Variants in HDAC6 observed in about 807,000 individuals in gnomAD.
HDAC6 encodes protein deacetylase HDAC6.
Under a neutral mutation model 88.9 loss-of-function variants are expected in HDAC6, and 5 were observed. The observed-to-expected ratio is 0.06, with a 90% CI of 0.03 to 0.12. The LOEUF (loss-of-function observed/expected upper bound fraction) is 0.12. Ranked by LOEUF, HDAC6 falls within the 10% of genes least tolerant of loss-of-function variation. The probability of loss-of-function intolerance (pLI) is 1.00; values close to 1 mark genes in which losing one functional copy is unlikely to be tolerated. For synonymous variants in HDAC6, 378 were observed against 398.0 expected, an observed-to-expected ratio of 0.95 and a Z score of 0.60; for missense variants, 706 against 1,014.4, an observed-to-expected ratio of 0.70 and a Z score of 4.13.
chrX:48,806,577 A>T, intron 7 of HDAC6, 32 bp from the exon 8 acceptor site: 1 of 1,116,377 alleles, frequency 9.0e-7, no homozygotes, highest in Admixed American at 2.2e-5. Context: ...TCTCTCCCTT[A>T]CTCCCTTTCT....
chrX:48,816,397 G>T, intron 18 of HDAC6, 68 bp from the exon 19 acceptor site: 1 of 1,126,354 alleles, frequency 8.9e-7, no homozygotes, highest in Non-Finnish European at 1.2e-6. Context: ...CCCTGTCTTA[G>T]GGGTGGGGAC....
intron 18 of HDAC6, 49 bp from the exon 19 acceptor site, chrX:48,816,416 G>T (rs1557027649): frequency 1.7e-6 from 2 of 1,147,659 alleles, no homozygotes; most frequent in African/African-American, 3.6e-5. Flanking sequence ...ACCAGGGAGG[G>T]GACAGACCCT....
In HDAC6 at chrX:48,815,844, A is replaced by G. The variant is rs781955550; in HGVS notation, c.1325-40A>G. The G allele has an allele frequency of 2.5e-6, 3 of 1,187,858 alleles. No homozygotes were observed. In the South Asian group the frequency reaches 5.5e-5, roughly 22 times the overall value. ...GAGTTCCAGAGTATGACGGGGATTC[A>G]GATTGAGAGGGTAGGACAAACGTGG... On this transcript the variant is annotated intron_variant, in intron 16 of 28. Transcript: ENST00000334136.
intron 4 of HDAC6, among the ~76,000 whole-genome samples, chrX:48,804,580 T>C (rs1208341372): frequency 1.8e-5 from 2 of 112,395 alleles, no homozygotes; most frequent in African/African-American, 6.5e-5. Context: ...AACCTAAGAC[T>C]AACTTACTAT....
intron 19 of HDAC6, 69 bp from the exon 20 acceptor site, chrX:48,817,251 CAAAAAA>C (rs1302262373): frequency 5.9e-5 from 49 of 826,448 alleles, no homozygotes; most frequent in East Asian, 2.6e-4. Context: ...GACTCCGTCT[CAAAAAA>C]AAAAAAAAAA....
intron 22 of HDAC6, 95 bp downstream of exon 22, chrX:48,818,507 T>C (rs1345514786): frequency 2.0e-5 from 15 of 733,883 alleles, no homozygotes; most frequent in Non-Finnish European, 2.9e-5. Flanking sequence ...GTGACTACCA[T>C]GTGGCTGATG....
intron 16 of HDAC6, 95 bp downstream of exon 16, chrX:48,815,737 T>G (rs2147364460): frequency 9.5e-7 from 1 of 1,052,872 alleles, no homozygotes; most frequent in Middle Eastern, 2.8e-4. Flanking sequence ...CTGGGCTGCC[T>G]TGGTGGGAGA....
intron 12 of HDAC6, 35 bp from the exon 13 acceptor site, chrX:48,814,799 G>A (rs781858924): frequency 8.3e-7 from 1 of 1,210,522 alleles, no homozygotes; most frequent in South Asian, 1.8e-5. Flanking sequence ...AGGCTGTGAG[G>A]GTAGGTAGCC....
rs1557027554 is a variant in HDAC6 at position 48,816,184 on chromosome X, C to T, written c.1537C>T (p.Arg513Cys). Reference sequence around the variant, plus strand: ...CCAGCGCATCTTGCGGATCATGTGCCGTCTGGAGGAGCTGGGCCTTGCCGG... The same window carrying T: ...CCAGCGCATCTTGCGGATCATGTGCTGTCTGGAGGAGCTGGGCCTTGCCGG... ...VPQRILRIMC[R>C]LEELGLAGRC... Residue 513 changes from arginine to cysteine, a missense_variant, in exon 18 of 29, where the codon CGT becomes TGT. This residue lies in a region of HDAC6 where 106 missense variants were observed against 135.1 expected (regional missense o/e 0.78). Coordinates refer to ENST00000334136, the MANE Select transcript of HDAC6 (RefSeq NM_006044.4). 1.4e-5 allele frequency: 17 copies of T among 1,211,223 alleles called. No homozygotes were observed. The highest frequency in any genetic ancestry group is 2.2e-5 in the Admixed American group (1 of 46,116).
intron 10 of HDAC6, 75 bp from the exon 11 acceptor site, chrX:48,814,363 CTG>C: frequency 9.4e-7 from 1 of 1,059,996 alleles, no homozygotes; most frequent in Middle Eastern, 2.5e-4. Flanking sequence ...GTAGAGGAAA[CTG>C]GCAACTGTTG....
Position 48,823,323 on chromosome X carries a change from C to T in HDAC6, c.2924C>T (p.Thr975Met), listed in dbSNP as rs782017697. ...TTSEDAVGGA[T>M]LGQTTSEEAV... The stretch of plus-strand genomic sequence containing the variant: ...TCAGAGGATGCTGTTGGGGGAGCCA[C>T]GCTGGGCCAGACTACCTCAGAGGAG... The change falls in exon 25 of 29, where the codon ACG (threonine) becomes ATG (methionine). Residue 975 changes from threonine (T) to methionine (M), a missense_variant. Thr to Met is a moderately conservative substitution (Grantham distance 81). Around this residue, in one of 9 missense-constraint regions of HDAC6, gnomAD observed 13 missense variants for 33.4 expected, o/e 0.39. Coordinates refer to ENST00000334136, the MANE Select transcript of HDAC6 (RefSeq NM_006044.4). The T allele has an allele frequency of 8.3e-6, 10 of 1,198,069 alleles. No homozygotes were observed. The highest frequency in any genetic ancestry group is 5.5e-5 in the South Asian group (3 of 54,824).
At position 48,819,117 on chromosome X, in the gene HDAC6, C is replaced by T. The variant is rs782621991; in HGVS notation, c.2187+705C>T. Reference sequence around the variant, plus strand: ...GCCAGGACAGCCTTCTGTGTGTGTACAACTGTATGTGCAAATAACCAGCTC... The same window carrying T: ...GCCAGGACAGCCTTCTGTGTGTGTATAACTGTATGTGCAAATAACCAGCTC... On this transcript the variant is annotated intron_variant, in intron 22 of 28. Transcript: ENST00000334136. Among the ~76,000 whole-genome samples the T allele has an allele frequency of 1.1e-4, 12 of 112,460 alleles. No homozygotes were observed. In the South Asian group the frequency reaches 4.4e-3, roughly 41 times the overall value.
chrX:48,815,230 A>G (rs1375007641), intron 14 of HDAC6, 154 bp from the exon 15 acceptor site: 3 of 549,457 alleles, frequency 5.5e-6, no homozygotes, highest in Non-Finnish European at 9.2e-6. Context: ...TAATGTAATC[A>G]CCTCATATCA....
At chrX:48,805,546 T>C (rs2062802476) in intron 5 of HDAC6, 24 bp downstream of exon 5, 1 of 1,192,354 alleles carries the variant, frequency 8.4e-7, no homozygotes, top group Admixed American at 2.2e-5. Context: ...GCCAACACTC[T>C]GGGTGAAGGG....
chrX:48,817,569 CCCCA>C, intron 20 of HDAC6, 110 bp downstream of exon 20: 1 of 773,548 alleles, frequency 1.3e-6, no homozygotes, highest in Non-Finnish European at 1.8e-6. Context: ...GGACTTCCTT[CCCCA>C]GAAAGAAGTA....
At chrX:48,807,715 T>C (rs1557024806) in intron 8 of HDAC6, among the ~76,000 whole-genome samples, 1 of 111,901 alleles carries the variant, frequency 8.9e-6, no homozygotes, top group African/African-American at 3.3e-5. Flanking sequence ...GGTTTCACCG[T>C]GTTGGCCAGG....
intron 19 of HDAC6, 138 bp from the exon 20 acceptor site, chrX:48,817,188 C>A (rs1438244212): frequency 7.1e-6 from 5 of 703,005 alleles, no homozygotes; most frequent in Admixed American, 4.6e-5. Context: ...GCAGGCGGCG[C>A]TTGCAGTGAG....
chrX:48,818,289 C>T lies in HDAC6; in HGVS notation c.2064C>T (p.Ser688=), dbSNP rs1280252279. 2 of 1,201,700 alleles carry T rather than the reference C, an allele frequency of 1.7e-6. No individual in the cohort carries two copies. Among genetic ancestry groups the T allele is most frequent in the African/African-American group, 3.5e-5 (2 of 57,399 alleles). Reference sequence around the variant, plus strand: ...TCCCCATGGGGGATGAGGGTGCCAGCAGCCAGATCGGCCGGGCTGCGGGCA... The same window carrying T: ...TCCCCATGGGGGATGAGGGTGCCAGTAGCCAGATCGGCCGGGCTGCGGGCA... The part of the protein sequence containing the change: ...TFFPMGDEGA[S]SQIGRAAGTG... Residue 688 remains serine (S), a synonymous_variant, in exon 22 of 29, where the codon AGC becomes AGT. Coordinates refer to ENST00000334136, the MANE Select transcript of HDAC6 (RefSeq NM_006044.4).
At chrX:48,809,019 T>C (rs781821510) in intron 10 of HDAC6, among the ~76,000 whole-genome samples, 1 of 112,701 alleles carries the variant, frequency 8.9e-6, no homozygotes, top group Non-Finnish European at 1.9e-5. Flanking sequence ...CCTCTTAAAG[T>C]ATCTCGTTCT....
Sources: gnomAD v4.1 joint callset for allele counts (sites outside exome capture counted in the v4.1 genomes callset) on GRCh38, gnomAD v4.1.1 for gene constraint, gnomAD v4.1.1 regional missense constraint, MANE v1.5 for transcripts, NCBI Gene and HGNC (gene_info 2026-07-23, HGNC 2026-07-21) for gene names.